The following SGCZ variants were observed in gnomAD, a reference collection of about 807,000 sequenced individuals.
The protein encoded by SGCZ is sarcoglycan zeta.
Under a neutral mutation model 41.3 loss-of-function variants are expected in SGCZ, and 40 were observed. The observed-to-expected ratio is 0.97, with a 90% CI of 0.75 to 1.26. SGCZ has a LOEUF of 1.26. Among genes scored for constraint, SGCZ ranks in the 50% most tolerant of loss-of-function variants. The pLI is 0.00. For synonymous variants in SGCZ, 206 were observed against 137.5 expected (o/e 1.50, Z -3.49); for missense variants, 552 against 369.8 (o/e 1.49, Z -4.04).
Position 14,501,908 on chromosome 8 carries a change from A to G in SGCZ, c.234+52824T>C, listed in dbSNP as rs984426931. The stretch of plus-strand genomic sequence containing the variant: ...TTATTGGTAAATGTATATTGAAATA[A>G]AAATCACTTTATATGTTGAATAAAA... On this transcript the variant is annotated intron_variant, in intron 2 of 7. Coordinates refer to ENST00000382080, the MANE Select transcript of SGCZ (RefSeq NM_139167.4). Among the ~76,000 whole-genome samples, 6 of 152,264 alleles carry G rather than the reference A, an allele frequency of 3.9e-5. No individual in the cohort carries two copies. The East Asian group carries it at 9.6e-4, about 24-fold the overall frequency.
chr8:15,136,252 C>T (rs1808101370), intron 1 of SGCZ, among the ~76,000 whole-genome samples: 1 of 152,126 alleles, frequency 6.6e-6, no homozygotes, highest in African/African-American at 2.4e-5. Context: ...ATTATTTAAA[C>T]TTTCTGTGCC....
chr8:14,529,204 T>C, intron 2 of SGCZ, among the ~76,000 whole-genome samples: 1 of 152,158 alleles, frequency 6.6e-6, no homozygotes, highest in East Asian at 1.9e-4. Flanking sequence ...TGGATTGAAT[T>C]ATTTGAGCTT....
intron 2 of SGCZ, among the ~76,000 whole-genome samples, chr8:14,552,293 G>A (rs773686176): frequency 1.8e-4 from 28 of 152,098 alleles, no homozygotes; most frequent in Non-Finnish European, 3.5e-4. Context: ...AACTACATAA[G>A]GAATTCTGAA....
At chr8:15,073,581 C>T (rs1046737135) in intron 1 of SGCZ, among the ~76,000 whole-genome samples, 4 of 152,070 alleles carry the variant, frequency 2.6e-5, no homozygotes, top group Non-Finnish European at 5.9e-5. Flanking sequence ...CTGTAAATAT[C>T]CAGGAAAGCA....
At chr8:15,029,192 A>G (rs1803566664) in intron 1 of SGCZ, among the ~76,000 whole-genome samples, 1 of 152,098 alleles carries the variant, frequency 6.6e-6, no homozygotes, top group Non-Finnish European at 1.5e-5. Flanking sequence ...AAGAACAGAA[A>G]ATTTAATGTG....
intron 1 of SGCZ, among the ~76,000 whole-genome samples, chr8:14,750,543 A>T (rs560623160): frequency 1.3e-5 from 2 of 152,256 alleles, no homozygotes; most frequent in East Asian, 3.9e-4. Flanking sequence ...ATCAGGCATT[A>T]ATTTTCTTAC....
At chr8:14,538,915 T>C (rs1396090080) in intron 2 of SGCZ, among the ~76,000 whole-genome samples, 1 of 151,970 alleles carries the variant, frequency 6.6e-6, no homozygotes, top group East Asian at 1.9e-4. Context: ...ATTAGAAAGC[T>C]ATTTAAATTA....
chr8:14,303,351 T>G (rs1395112498), intron 3 of SGCZ, among the ~76,000 whole-genome samples: 2 of 152,034 alleles, frequency 1.3e-5, no homozygotes, highest in Non-Finnish European at 2.9e-5. Context: ...AAGATAAAAT[T>G]TAACTTTTCA....
chr8:14,462,928 A>G (rs771425250), intron 2 of SGCZ, among the ~76,000 whole-genome samples: 1 of 150,914 alleles, frequency 6.6e-6, no homozygotes, highest in Non-Finnish European at 1.5e-5. Context: ...GTTAATTTCT[A>G]TTTCATTATT....
chr8:14,589,223 A>G (rs188950893), intron 1 of SGCZ, among the ~76,000 whole-genome samples: 221 of 151,950 alleles, frequency 1.5e-3, no homozygotes, highest in African/African-American at 5.0e-3. Flanking sequence ...GTGCATGCCT[A>G]TAATCCCCGC....
intron 4 of SGCZ, among the ~76,000 whole-genome samples, chr8:14,207,011 G>T (rs1044848180): frequency 6.6e-6 from 1 of 152,046 alleles, no homozygotes; most frequent in Non-Finnish European, 1.5e-5. Flanking sequence ...ATTTTCTGAC[G>T]TTTTTGTGGA....
At chr8:14,173,195 G>A (rs894071084) in intron 4 of SGCZ, among the ~76,000 whole-genome samples, 13 of 151,520 alleles carry the variant, frequency 8.6e-5, no homozygotes, top group Admixed American at 6.6e-5. Context: ...AGACAACAAC[G>A]TTTATTCTTT....
At chr8:14,458,260 A>C (rs142434656) in intron 2 of SGCZ, among the ~76,000 whole-genome samples, 1 of 152,302 alleles carries the variant, frequency 6.6e-6, no homozygotes, top group African/African-American at 2.4e-5. Flanking sequence ...CAAATGAAAA[A>C]CGTAAGCACA....
chr8:14,887,266 T>G (rs1449662153), intron 1 of SGCZ, among the ~76,000 whole-genome samples: 1 of 152,218 alleles, frequency 6.6e-6, no homozygotes, highest in Non-Finnish European at 1.5e-5. Flanking sequence ...CTTATTCATA[T>G]TTTTGTCATT....
intron 1 of SGCZ, among the ~76,000 whole-genome samples, chr8:14,981,912 G>C (rs1057178681): frequency 6.6e-6 from 1 of 152,138 alleles, no homozygotes; most frequent in Non-Finnish European, 1.5e-5. Flanking sequence ...CACTTTGGGA[G>C]GCTGAAGCAG....
intron 1 of SGCZ, among the ~76,000 whole-genome samples, chr8:15,204,071 T>C (rs1414925999): frequency 6.6e-6 from 1 of 152,228 alleles, no homozygotes; most frequent in Non-Finnish European, 1.5e-5. Context: ...TTTGAAATTA[T>C]GACCAATTAT....
At chr8:14,280,647 G>A (rs1289994890) in intron 3 of SGCZ, among the ~76,000 whole-genome samples, 1 of 151,790 alleles carries the variant, frequency 6.6e-6, no homozygotes, top group Non-Finnish European at 1.5e-5. Flanking sequence ...TTAAGAAATG[G>A]CAGTACAATC....
chr8:15,179,103 G>A (rs1172240683), intron 1 of SGCZ, among the ~76,000 whole-genome samples: 1 of 151,754 alleles, frequency 6.6e-6, no homozygotes, highest in Non-Finnish European at 1.5e-5. Flanking sequence ...AAACCTTCAG[G>A]AAAAAAGAAA....
intron 1 of SGCZ, among the ~76,000 whole-genome samples, chr8:15,041,725 T>C (rs1015256385): frequency 6.6e-6 from 1 of 152,136 alleles, no homozygotes; most frequent in Non-Finnish European, 1.5e-5. Flanking sequence ...CACAAACACA[T>C]GTATAATTTT....
Sources: gnomAD v4.1 joint callset for allele counts (sites outside exome capture counted in the v4.1 genomes callset) on GRCh38, gnomAD v4.1.1 for gene constraint, MANE v1.5 for transcripts, NCBI Gene and HGNC (gene_info 2026-07-23, HGNC 2026-07-21) for gene names.